Variants in DYNC2I1 observed in about 807,000 individuals in gnomAD.
The protein encoded by DYNC2I1 is dynein 2 intermediate chain 1, also known as cytoplasmic dynein 2 intermediate chain 1.
A neutral mutation model predicts 133.4 loss-of-function variants in DYNC2I1; 89 were observed. The ratio of observed to expected loss-of-function variants is 0.67; its 90% CI spans 0.56 to 0.80. DYNC2I1 has a LOEUF of 0.80. DYNC2I1 is among the 30% of genes least tolerant of loss of function. The pLI is 0.00. For missense variants in DYNC2I1, 1,291 were observed against 1,314.5 expected, an observed-to-expected ratio of 0.98 and a Z score of 0.28; for synonymous variants, 504 against 484.3, an observed-to-expected ratio of 1.04 and a Z score of -0.54.
At chr7:158,942,391 G>A (rs1215733390) in intron 24 of DYNC2I1, among the ~76,000 whole-genome samples, 5 of 152,322 alleles carry the variant, frequency 3.3e-5, no homozygotes, top group South Asian at 2.1e-4. Context: ...CATCCCGGCC[G>A]GAGGCACGTG....
intron 6 of DYNC2I1, among the ~76,000 whole-genome samples, chr7:158,885,140 G>T (rs1312599041): frequency 6.6e-6 from 1 of 152,114 alleles, no homozygotes; most frequent in African/African-American, 2.4e-5. Context: ...TCTGCCCACT[G>T]TTTATCACTT....
At position 158,881,493 on chromosome 7, in the gene DYNC2I1, G is replaced by T. The variant is rs565164529; in HGVS notation, c.879+1504G>T. Among the ~76,000 whole-genome samples the T allele has an allele frequency of 1.3e-3, 204 of 151,668 alleles. 1 individual carries two copies. Among genetic ancestry groups the T allele is most frequent in the Non-Finnish European group, 1.2e-3 (84 of 67,908 alleles). On this transcript the variant is annotated intron_variant, in intron 5 of 24. Transcript: ENST00000407559. Reference sequence around the variant, plus strand: ...TTTTGAGACAGAGTCTCGCTCTGTCGCCCAGGCTGGAGTGCAGTGGTGCGA... The same window carrying T: ...TTTTGAGACAGAGTCTCGCTCTGTCTCCCAGGCTGGAGTGCAGTGGTGCGA...
In DYNC2I1 at chr7:158,941,975, T is replaced by A. The variant is rs1851417599; in HGVS notation, c.2829T>A (p.Phe943Leu). ...GGCTGCACCAGCTGAGCTCCGCGTTTCCGCTCCTGCAGTGGGACAGCAGCA... is the reference window on the plus strand; with the variant it reads ...GGCTGCACCAGCTGAGCTCCGCGTTACCGCTCCTGCAGTGGGACAGCAGCA... ...SIRLHQLSSA[F>L]PLLQWDSSTD... Residue 943 changes from phenylalanine (F) to leucine (L), a missense_variant, in exon 24 of 25, where the codon TTT becomes TTA. Physicochemically the swap from Phe to Leu is conservative, Grantham distance 22 (BLOSUM62 0). Coordinates refer to ENST00000407559, the MANE Select transcript of DYNC2I1 (RefSeq NM_018051.5). 6.2e-7 allele frequency: 1 copy of A among 1,612,868 alleles called. No homozygotes were observed. Among genetic ancestry groups the A allele is most frequent in the African/African-American group, 1.3e-5 (1 of 74,928 alleles).
chr7:158,855,943 T>C (rs897689586), upstream of DYNC2I1, among the ~76,000 whole-genome samples: 72 of 145,046 alleles, frequency 5.0e-4, no homozygotes, highest in South Asian at 0.011. Flanking sequence ...TCTTTTCTTT[T>C]TTTTTTTTTT....
In DYNC2I1 at chr7:158,941,073, AC is replaced by A. The variant is rs199832358; in HGVS notation, c.2779-851del. Reference sequence around the variant, plus strand: ...TTTGAAAGATAAGCAAAATCGACAAACTTTTAGCTAGAATAACTAAGAAAAA... The same window carrying A: ...TTTGAAAGATAAGCAAAATCGACAAATTTTAGCTAGAATAACTAAGAAAAA... On this transcript the variant is annotated intron_variant, in intron 23 of 24. Transcript: ENST00000407559. 8.9e-4 allele frequency among the ~76,000 whole-genome samples: 135 copies of A among 152,276 alleles called. 2 individuals carry two copies. The East Asian group carries it at 0.025, about 28-fold the overall frequency.
Position 158,934,129 on chromosome 7 carries a change from T to C in DYNC2I1, c.2547T>C (p.Ser849=), listed in dbSNP as rs910475094. 2 of 1,605,558 alleles carry C rather than the reference T, an allele frequency of 1.2e-6. No homozygotes were observed. The highest frequency in any genetic ancestry group is 4.5e-5 in the East Asian group (2 of 44,806). The part of the protein sequence containing the change: ...VHSALIQLGD[S]LSHKGNEFWG... ...TCATTTTGTTACTTTATTTTTTCAGTCTTTCCCATAAAGGTAATGAATTTT... is the reference window on the plus strand; with the variant it reads ...TCATTTTGTTACTTTATTTTTTCAGCCTTTCCCATAAAGGTAATGAATTTT... Residue 849 remains serine, a splice_region_variant and synonymous_variant, in exon 22 of 25, where the codon AGT becomes AGC. Transcript: ENST00000407559.
At chr7:158,866,225 C>T (rs115801270) in intron 1 of DYNC2I1, among the ~76,000 whole-genome samples, 2,407 of 150,872 alleles carry the variant, frequency 0.016, 55 homozygotes, top group African/African-American at 0.055. Flanking sequence ...GTGCAGCGCC[C>T]ACGTCTCCTG....
intron 8 of DYNC2I1, among the ~76,000 whole-genome samples, chr7:158,897,870 T>C (rs1031042796): frequency 5.3e-5 from 8 of 152,246 alleles, no homozygotes; most frequent in African/African-American, 1.9e-4. Context: ...TTTTCTAATA[T>C]ATGCATTCAA....
At chr7:158,861,164 T>G (rs1448372179) in intron 1 of DYNC2I1, among the ~76,000 whole-genome samples, 1 of 152,228 alleles carries the variant, frequency 6.6e-6, no homozygotes, top group East Asian at 1.9e-4. Context: ...GAAGAGAGTT[T>G]AAAAGGGCTT....
chr7:158,945,965 C>A lies in DYNC2I1; in HGVS notation c.*186C>A. 1 of 574,732 alleles carries A rather than the reference C, an allele frequency of 1.7e-6. No homozygotes were observed. Among genetic ancestry groups the A allele is most frequent in the Non-Finnish European group, 2.6e-6 (1 of 377,690 alleles). 35.6% of individuals were successfully genotyped at this position (574,732 alleles called of 1,614,324 possible). On this transcript the variant is annotated 3_prime_UTR_variant, in exon 25 of 25. Transcript: ENST00000407559. This position sits in a 1 kb window ranked among gnomAD's most constrained non-coding sequence, Gnocchi z 4.1. ...ATAGATGACTACTTTTGAGTGGAAA[C>A]AAAGAACATTCTAGCATTTACAAAA...
intron 23 of DYNC2I1, among the ~76,000 whole-genome samples, chr7:158,939,408 T>G (rs1167023721): frequency 6.6e-6 from 1 of 152,212 alleles, no homozygotes; most frequent in African/African-American, 2.4e-5. Flanking sequence ...ATCTTGCCAC[T>G]GTACTTCAGT....
At position 158,941,988 on chromosome 7, in the gene DYNC2I1, T is replaced by C; in HGVS notation, c.2842T>C (p.Trp948Arg). The change falls in exon 24 of 25, where the codon TGG becomes CGG. Residue 948 changes from tryptophan to arginine, a missense_variant. Transcript: ENST00000407559. ...GAGCTCCGCGTTTCCGCTCCTGCAG[T>C]GGGACAGCAGCACGGACAGCCATGC... ...QLSSAFPLLQWDSSTDSHAVT... is the reference protein window; with the variant it reads ...QLSSAFPLLQRDSSTDSHAVT... 6.2e-7 allele frequency: 1 copy of C among 1,613,384 alleles called. No individual in the cohort carries two copies. The highest frequency in any genetic ancestry group is 8.5e-7 in the Non-Finnish European group (1 of 1,179,784).
the DYNC2I1 span, among the ~76,000 whole-genome samples, chr7:158,839,590 C>T: frequency 6.6e-6 from 1 of 151,986 alleles, no homozygotes; most frequent in African/African-American, 2.4e-5. Context: ...GAGGCCGAGG[C>T]GGGTGGATCA....
At chr7:158,952,732 C>G (rs73732420) in intron 4 of DYNC2I1, among the ~76,000 whole-genome samples, 1 of 143,704 alleles carries the variant, frequency 7.0e-6, no homozygotes. Context: ...AGAGTCCGCA[C>G]CTTCATATTG....
intron 24 of DYNC2I1, 41 bp downstream of exon 24, chr7:158,942,189 G>C (rs566574052): frequency 6.8e-7 from 1 of 1,473,170 alleles, no homozygotes; most frequent in South Asian, 1.4e-5. Flanking sequence ...GTTGTGGGGG[G>C]GCTTCGGCCA....
intron 23 of DYNC2I1, 63 bp from the exon 24 acceptor site, chr7:158,941,862 G>GT (rs1345696227): frequency 8.5e-6 from 13 of 1,527,142 alleles, no homozygotes; most frequent in African/African-American, 1.4e-5. Flanking sequence ...GGGTGACAGA[G>GT]TGAGACCCTG....
intron 14 of DYNC2I1, among the ~76,000 whole-genome samples, chr7:158,915,176 C>CATTT (rs753656370): frequency 6.8e-6 from 1 of 146,376 alleles, no homozygotes; most frequent in African/African-American, 2.5e-5. Flanking sequence ...CGCTGGTTGA[C>CATTT]AGGATGATTG....
chr7:158,896,884 G>A lies in DYNC2I1; in HGVS notation c.1060-4855G>A, dbSNP rs539318542. Among the ~76,000 whole-genome samples the A allele has an allele frequency of 2.5e-3, 363 of 142,590 alleles. 1 individual carries two copies. Among genetic ancestry groups the A allele is most frequent in the Middle Eastern group, 7.2e-3 (2 of 278 alleles). The allele number at this position is 142,590 out of a possible 152,430, so 93.5% of individuals were successfully genotyped here. On this transcript the variant is annotated intron_variant, in intron 8 of 24. Coordinates refer to ENST00000407559, the MANE Select transcript of DYNC2I1 (RefSeq NM_018051.5). ...GTCTGTAGTTTTTTTTTTTTTTCTT[G>A]TAATATCTTTGTCTGGATCATGCTG...
At position 158,904,557 on chromosome 7, in the gene DYNC2I1, C is replaced by T. The variant is rs1046471927; in HGVS notation, c.1358-1432C>T. 16 of 152,364 alleles carry T rather than the reference C, an allele frequency of 1.1e-4. 1 individual carries two copies. Among genetic ancestry groups the T allele is most frequent in the African/African-American group, 3.9e-4 (16 of 41,456 alleles). The allele number at this position is 152,364 out of a possible 1,614,324, so 9.4% of individuals were successfully genotyped here. A position where few individuals can be genotyped will look rare whatever the true frequency, so the allele number is the denominator to read the frequency against. On this transcript the variant is annotated intron_variant, in intron 10 of 24. Transcript: ENST00000407559. ...CCAATGACTTGCACAGAGGTGTGCG[C>T]TCTGCTCCAGGGATGTCTTTATTCA... is the stretch of plus-strand genomic sequence containing the variant.
Sources: allele counts gnomAD v4.1 joint callset (sites outside exome capture counted in the v4.1 genomes callset), GRCh38; gene constraint gnomAD v4.1.1; non-coding constraint Gnocchi (gnomAD v3.1); transcripts MANE v1.5; gene names NCBI Gene and HGNC (gene_info 2026-07-23, HGNC 2026-07-21).